DCDC2C: variants seen among roughly 807,000 people sequenced by gnomAD.
The protein encoded by DCDC2C is doublecortin domain containing 2C.
Under a neutral mutation model 45.0 loss-of-function variants are expected in DCDC2C, and 44 were observed. That is an observed-to-expected ratio of 0.98 (90% CI 0.77 to 1.26). The LOEUF (loss-of-function observed/expected upper bound fraction) is 1.26. DCDC2C is among the 50% of genes most tolerant of loss of function. DCDC2C has a pLI of 0.00. For missense variants in DCDC2C, 447 were observed against 468.9 expected (o/e 0.95, Z 0.43); for synonymous variants, 187 against 178.8 (o/e 1.05, Z -0.37).
rs117787372 is a variant in DCDC2C, at chr2:3,752,025, C to T, written c.546-738C>T. 2.8e-4 allele frequency among the ~76,000 whole-genome samples: 42 copies of T among 152,246 alleles called. No individual in the cohort carries two copies. In the East Asian group the frequency reaches 4.3e-3, roughly 15 times the overall value. ...CTGGCTTCTGGCCTTTTTACAGCAC[C>T]GTACATGATGAAATCCCACCTACCC... On this transcript the variant is annotated intron_variant, in intron 4 of 10. Coordinates refer to ENST00000399143, the MANE Select transcript of DCDC2C (RefSeq NM_001287444.2).
chr2:3,733,369 A>G (rs1020160383), intron 3 of DCDC2C, among the ~76,000 whole-genome samples: 7 of 152,210 alleles, frequency 4.6e-5, no homozygotes, highest in Non-Finnish European at 8.8e-5. Context: ...CCTTTCTGGG[A>G]TGAGTCAGGT....
At chr2:3,744,424 A>T (rs1029458172) in intron 4 of DCDC2C, among the ~76,000 whole-genome samples, 1 of 152,190 alleles carries the variant, frequency 6.6e-6, no homozygotes, top group East Asian at 1.9e-4. Flanking sequence ...CAAGGTCGAG[A>T]CATCCACCTG....
At chr2:3,773,908 TC>T (rs1264858811) in intron 8 of DCDC2C, among the ~76,000 whole-genome samples, 1 of 152,238 alleles carries the variant, frequency 6.6e-6, no homozygotes, top group Non-Finnish European at 1.5e-5. Context: ...TTTCTACTCT[TC>T]TAAAATCCAG....
chr2:3,833,641 C>T (rs953311095), intron 10 of DCDC2C, among the ~76,000 whole-genome samples: 5 of 152,158 alleles, frequency 3.3e-5, no homozygotes, highest in Non-Finnish European at 5.9e-5. Context: ...TATTGATTAT[C>T]AGCTCAATTT....
chr2:3,768,445 C>T (rs1302041865), intron 7 of DCDC2C, among the ~76,000 whole-genome samples: 1 of 152,206 alleles, frequency 6.6e-6, no homozygotes, highest in Non-Finnish European at 1.5e-5. Flanking sequence ...TAGTGAGAGA[C>T]TGTGAGTGGT....
chr2:3,768,146 C>T (rs1670065385), intron 7 of DCDC2C, among the ~76,000 whole-genome samples: 1 of 152,048 alleles, frequency 6.6e-6, no homozygotes, highest in African/African-American at 2.4e-5. Flanking sequence ...TACACCAGGA[C>T]TGAGTATCTT....
chr2:3,736,939 T>G (rs1669048378), intron 3 of DCDC2C, among the ~76,000 whole-genome samples: 2 of 152,216 alleles, frequency 1.3e-5, no homozygotes, highest in Admixed American at 1.3e-4. Context: ...GTAACCTCCT[T>G]TTGCCTTCAT....
chr2:3,763,868 A>G (rs1039584207), intron 6 of DCDC2C, among the ~76,000 whole-genome samples: 18 of 152,108 alleles, frequency 1.2e-4, no homozygotes, highest in East Asian at 1.9e-4. Flanking sequence ...TTCCAGCTGG[A>G]TACCTTGTAG....
At chr2:3,800,237 T>C (rs1475772965) in intron 10 of DCDC2C, among the ~76,000 whole-genome samples, 1 of 152,104 alleles carries the variant, frequency 6.6e-6, no homozygotes, top group Non-Finnish European at 1.5e-5. Context: ...TCGCACACGG[T>C]GCGCGCACCC....
At chr2:3,735,895 G>A (rs1488636441) in intron 3 of DCDC2C, among the ~76,000 whole-genome samples, 5 of 152,014 alleles carry the variant, frequency 3.3e-5, no homozygotes, top group Non-Finnish European at 7.4e-5. Context: ...GCTGGAATGC[G>A]AGTGTTGCAT....
chr2:3,755,197 A>T (rs1312145749), intron 6 of DCDC2C, among the ~76,000 whole-genome samples: 1 of 151,968 alleles, frequency 6.6e-6, no homozygotes, highest in African/African-American at 2.4e-5. Flanking sequence ...ATGGATGCAT[A>T]TGTGTGCATG....
intron 7 of DCDC2C, 71 bp downstream of exon 7, chr2:3,767,951 T>TC (rs1449552693): frequency 1.4e-5 from 20 of 1,385,862 alleles, no homozygotes; most frequent in Admixed American, 3.4e-5. Context: ...GATTTTTTTT[T>TC]TTTCAGAGAA....
intron 2 of DCDC2C, among the ~76,000 whole-genome samples, chr2:3,716,413 A>G (rs1668352423): frequency 1.3e-5 from 2 of 152,080 alleles, no homozygotes; most frequent in Non-Finnish European, 1.5e-5. Flanking sequence ...GGAGATGAAG[A>G]CTGAGATGCT....
chr2:3,807,142 G>C (rs1346212392), intron 10 of DCDC2C, among the ~76,000 whole-genome samples: 2 of 151,776 alleles, frequency 1.3e-5, no homozygotes. Context: ...GAGGGGTTTT[G>C]GCAAATGTAT....
intron 10 of DCDC2C, among the ~76,000 whole-genome samples, chr2:3,791,061 A>G (rs1303945432): frequency 1.3e-5 from 2 of 152,180 alleles, no homozygotes; most frequent in African/African-American, 4.8e-5. Context: ...AGGAGCCGAG[A>G]TCGCGCCACT....
chr2:3,741,071 G>A (rs1669191620), intron 3 of DCDC2C, among the ~76,000 whole-genome samples: 2 of 152,086 alleles, frequency 1.3e-5, no homozygotes, highest in South Asian at 2.1e-4. Context: ...TTTGATTATG[G>A]CATAGTCTCA....
In DCDC2C at chr2:3,703,748, G is replaced by A. The variant is rs1667938370; in HGVS notation, c.-4G>A. 1.6e-6 allele frequency: 2 copies of A among 1,231,102 alleles called. No homozygotes were observed. Among genetic ancestry groups the A allele is most frequent in the South Asian group, 4.1e-5 (1 of 24,622 alleles). 76.3% of individuals were successfully genotyped at this position (1,231,102 alleles called of 1,614,324 possible). On this transcript the variant is annotated 5_prime_UTR_variant, in exon 1 of 11. Transcript: ENST00000399143. The surrounding 1 kb of genome is among the most constrained non-coding windows in gnomAD (Gnocchi z 4.4). Reference sequence around the variant, plus strand: ...CCCCGGCGAGCGAGGAGCGGGGCGCGGCTATGGGAACCCGCGGGCCCTCCG... The same window carrying A: ...CCCCGGCGAGCGAGGAGCGGGGCGCAGCTATGGGAACCCGCGGGCCCTCCG...
chr2:3,841,760 G>A (rs1207137637), intron 10 of DCDC2C, among the ~76,000 whole-genome samples: 1 of 152,166 alleles, frequency 6.6e-6, no homozygotes, highest in East Asian at 1.9e-4. Context: ...GATTAGCAGA[G>A]AGTCGCTTCG....
chr2:3,769,495 T>G, intron 8 of DCDC2C, 84 bp downstream of exon 8: 1 of 1,204,930 alleles, frequency 8.3e-7, no homozygotes, highest in East Asian at 2.6e-5. Context: ...CTTCACCCTC[T>G]CCCTGCAAAT....
Sources: gnomAD v4.1 joint callset for allele counts (sites outside exome capture counted in the v4.1 genomes callset) on GRCh38, gnomAD v4.1.1 for gene constraint, Gnocchi (gnomAD v3.1) non-coding constraint, MANE v1.5 for transcripts, NCBI Gene and HGNC (gene_info 2026-07-23, HGNC 2026-07-21) for gene names.